Variants in TMEM38A observed in about 807,000 individuals in gnomAD.
The protein encoded by TMEM38A is trimeric intracellular cation channel type A.
In TMEM38A, 17 loss-of-function variants were observed where a neutral mutation model predicts 28.6. The observed-to-expected ratio is 0.60, with a 90% CI of 0.41 to 0.89. The LOEUF (loss-of-function observed/expected upper bound fraction) is 0.89. Ranked by LOEUF, TMEM38A falls within the 40% of genes least tolerant of loss-of-function variation. The probability of loss-of-function intolerance (pLI) is 0.00; values close to 1 mark genes in which losing one functional copy is unlikely to be tolerated. For synonymous variants in TMEM38A, 169 were observed against 166.1 expected (o/e 1.02, Z -0.14); for missense variants, 328 against 393.1 (o/e 0.83, Z 1.40).
intron 4 of TMEM38A, among the ~76,000 whole-genome samples, chr19:16,684,929 G>T (rs2086795607): frequency 1.3e-5 from 2 of 151,334 alleles, no homozygotes; most frequent in African/African-American, 4.9e-5. Flanking sequence ...CATAACTCTA[G>T]CCCTAGCTAC....
chr19:16,683,122 T>C (rs1009158241), intron 4 of TMEM38A, among the ~76,000 whole-genome samples: 3 of 152,004 alleles, frequency 2.0e-5, no homozygotes, highest in Non-Finnish European at 4.4e-5. Context: ...TACAGGCATG[T>C]GCCACCATGC....
chr19:16,677,891 G>A (rs1331925173), intron 1 of TMEM38A, among the ~76,000 whole-genome samples: 1 of 152,102 alleles, frequency 6.6e-6, no homozygotes, highest in African/African-American at 2.4e-5. Flanking sequence ...CTACAATGGG[G>A]ATGAAGCTTG....
Position 16,686,352 on chromosome 19 carries a change from G to T in TMEM38A, c.619G>T (p.Val207Leu), listed in dbSNP as rs1309111892. ...FTLQQTRWLP[V>L]SKASLIFIFT... Reference sequence around the variant, plus strand: ...CCTCCAGCAGACCCGCTGGCTCCCAGTGTCCAAAGCCAGCCTCATCTTCAT... The same window carrying T: ...CCTCCAGCAGACCCGCTGGCTCCCATTGTCCAAAGCCAGCCTCATCTTCAT... Residue 207 changes from valine to leucine, a missense_variant, in exon 5 of 6, where the codon GTG becomes TTG. By Grantham distance (32) the Val-to-Leu change is conservative (BLOSUM62 1). Transcript: ENST00000187762. The T allele has an allele frequency of 2.5e-6, 4 of 1,613,696 alleles. No homozygotes were observed. The East Asian group carries it at 6.7e-5, about 27-fold the overall frequency.
intron 1 of TMEM38A, among the ~76,000 whole-genome samples, chr19:16,677,255 G>A (rs1448015333): frequency 6.6e-6 from 1 of 152,086 alleles, no homozygotes; most frequent in East Asian, 1.9e-4. Context: ...TTCCTCCAAT[G>A]ACATCTTATG....
At chr19:16,667,505 T>C (rs553226669) in intron 1 of TMEM38A, among the ~76,000 whole-genome samples, 36 of 152,124 alleles carry the variant, frequency 2.4e-4, no homozygotes, top group African/African-American at 8.7e-4. Context: ...CCAAAGAATC[T>C]CTCAGACCAG....
chr19:16,669,191 A>G (rs1227141272), intron 1 of TMEM38A, among the ~76,000 whole-genome samples: 7 of 146,532 alleles, frequency 4.8e-5, no homozygotes, highest in Non-Finnish European at 1.0e-4. Flanking sequence ...CCTGCAGGAC[A>G]TCTTGGTTGC....
chr19:16,666,683 G>A (rs1265854543), intron 1 of TMEM38A, among the ~76,000 whole-genome samples: 1 of 151,994 alleles, frequency 6.6e-6, no homozygotes, highest in Non-Finnish European at 1.5e-5. Context: ...GAGCCCCTGC[G>A]GTGGCTCATG....
intron 1 of TMEM38A, among the ~76,000 whole-genome samples, chr19:16,671,098 A>G (rs1230092791): frequency 6.6e-6 from 1 of 151,710 alleles, no homozygotes; most frequent in Non-Finnish European, 1.5e-5. Flanking sequence ...TCAGAGGGGA[A>G]TGTGTTCATG....
At position 16,665,812 on chromosome 19, in the gene TMEM38A, CT is replaced by C. The variant is rs112668614; in HGVS notation, c.124+4485del. On this transcript the variant is annotated intron_variant, in intron 1 of 5. Transcript: ENST00000187762. ...TTACTTTTCTGTTTCTTTTCTTTTC[CT>C]TTTTTTTTTTTTTGAGATGCAGTCT... is the stretch of plus-strand genomic sequence containing the variant. Among the ~76,000 whole-genome samples the C allele has an allele frequency of 7.6e-3, 1,072 of 140,838 alleles. 2 individuals are homozygous for C. Among genetic ancestry groups the C allele is most frequent in the Middle Eastern group, 0.015 (4 of 274 alleles). 92.4% of individuals were successfully genotyped at this position (140,838 alleles called of 152,430 possible).
intron 1 of TMEM38A, among the ~76,000 whole-genome samples, chr19:16,666,621 T>G (rs140428897): frequency 2.8e-4 from 42 of 152,074 alleles, no homozygotes; most frequent in Middle Eastern, 3.4e-3. Flanking sequence ...GCTCAGAGTG[T>G]GGTCCTCAAC....
chr19:16,682,096 C>A (rs930256433), intron 3 of TMEM38A, among the ~76,000 whole-genome samples: 1 of 151,988 alleles, frequency 6.6e-6, no homozygotes, highest in African/African-American at 2.4e-5. Flanking sequence ...GTGGGGGCTG[C>A]CTTGGAAGCC....
intron 1 of TMEM38A, among the ~76,000 whole-genome samples, chr19:16,678,409 C>T (rs2086762192): frequency 8.0e-6 from 1 of 125,786 alleles, no homozygotes. Flanking sequence ...AGCCTGGTGA[C>T]AGAGTGAGAC....
chr19:16,689,178 C>G lies in TMEM38A; in HGVS notation c.*807C>G, dbSNP rs931910543. On this transcript the variant is annotated 3_prime_UTR_variant, in exon 6 of 6. Coordinates refer to ENST00000187762, the MANE Select transcript of TMEM38A (RefSeq NM_024074.4). ...TTTTCACGTGGCCAGAAAGTCCCGA[C>G]TCTTGCTGGGCGTCCCTGGACAAGT... 1 of 152,248 alleles carries G rather than the reference C, an allele frequency of 6.6e-6. No homozygotes were observed. Among genetic ancestry groups the G allele is most frequent in the Non-Finnish European group, 1.5e-5 (1 of 68,124 alleles). The allele number at this position is 152,248 out of a possible 1,614,324, so 9.4% of individuals were successfully genotyped here.
Position 16,688,571 on chromosome 19 carries a change from C to T in TMEM38A, c.*200C>T, listed in dbSNP as rs2038836604. 3 of 413,068 alleles carry T rather than the reference C, an allele frequency of 7.3e-6. No homozygotes were observed. Among genetic ancestry groups the T allele is most frequent in the Admixed American group, 4.4e-5 (1 of 22,508 alleles). 25.6% of individuals were successfully genotyped at this position (413,068 alleles called of 1,614,324 possible). A position where few individuals can be genotyped will look rare whatever the true frequency, so the allele number is the denominator to read the frequency against. ...AGAACTTTTGTAGAAATCGGGGTTC[C>T]CTCTTTCTCTCTGCCAGGACCCCAT... is the stretch of plus-strand genomic sequence containing the variant. On this transcript the variant is annotated 3_prime_UTR_variant, in exon 6 of 6. Coordinates refer to ENST00000187762, the MANE Select transcript of TMEM38A (RefSeq NM_024074.4).
At chr19:16,681,690 G>A (rs1216912176) in intron 3 of TMEM38A, among the ~76,000 whole-genome samples, 1 of 152,148 alleles carries the variant, frequency 6.6e-6, no homozygotes, top group Non-Finnish European at 1.5e-5. Context: ...ATTATACAAT[G>A]GTGAGCCACC....
rs2086774915 is a variant in TMEM38A, at chr19:16,680,089, T to C, written c.230T>C (p.Leu77Pro). 1 of 1,611,214 alleles carries C rather than the reference T, an allele frequency of 6.2e-7. No homozygotes were observed. Among genetic ancestry groups the C allele is most frequent in the Non-Finnish European group, 8.5e-7 (1 of 1,180,028 alleles). Reference protein sequence around the residue: ...ILADLLLGEPLIDYFSNNSSI... With the variant: ...ILADLLLGEPPIDYFSNNSSI... ...GCTGATCTGCTCCTTGGGGAGCCAC[T>C]GATCGATTACTTCAGCAACAACTCC... The change falls in exon 2 of 6, where the codon CTG becomes CCG. Residue 77 changes from leucine to proline, a missense_variant. By Grantham distance (98) the Leu-to-Pro change is moderately conservative. Transcript: ENST00000187762.
Position 16,680,530 on chromosome 19 carries a change from C to T in TMEM38A, c.415C>T (p.His139Tyr), listed in dbSNP as rs1403332813. 3 of 1,614,032 alleles carry T rather than the reference C, an allele frequency of 1.9e-6. No homozygotes were observed. The highest frequency in any genetic ancestry group is 2.7e-5 in the African/African-American group (2 of 74,918). Residue 139 changes from histidine to tyrosine, a missense_variant, in exon 3 of 6, where the codon CAC becomes TAC. Physicochemically the swap from His to Tyr is moderately conservative, Grantham distance 83 (BLOSUM62 2). Coordinates refer to ENST00000187762, the MANE Select transcript of TMEM38A (RefSeq NM_024074.4). ...KIAVGIHHAH[H>Y]HYHHGWFVMI... ...CGCGGTGGGCATCCATCACGCCCAT[C>T]ACCACTACCACCACGGGTGGTTCGT...
intron 1 of TMEM38A, among the ~76,000 whole-genome samples, chr19:16,674,669 C>A (rs2086742255): frequency 6.6e-6 from 1 of 151,320 alleles, no homozygotes; most frequent in Non-Finnish European, 1.5e-5. Flanking sequence ...CGTGGTGGTC[C>A]ATGCCTGTAA....
chr19:16,675,275 C>G (rs564435966), intron 1 of TMEM38A, among the ~76,000 whole-genome samples: 1 of 152,092 alleles, frequency 6.6e-6, no homozygotes, highest in Non-Finnish European at 1.5e-5. Context: ...GCTCTGTCAC[C>G]CAGGCTGGAG....
Sources: allele counts gnomAD v4.1 joint callset (sites outside exome capture counted in the v4.1 genomes callset), GRCh38; gene constraint gnomAD v4.1.1; transcripts MANE v1.5; gene names NCBI Gene and HGNC (gene_info 2026-07-23, HGNC 2026-07-21).